OR1L8: variants seen among roughly 807,000 people sequenced by gnomAD.
OR1L8 encodes olfactory receptor 1L8.
For synonymous variants in OR1L8, 148 were observed against 147.0 expected (o/e 1.01, Z -0.05); for missense variants, 330 against 377.4 (o/e 0.87, Z 1.04).
the OR1L8 span, among the ~76,000 whole-genome samples, chr9:122,558,688 G>A: frequency 0.58 from 87,795 of 151,292 alleles, 25,978 homozygotes; most frequent in East Asian, 0.97. Context: ...ATGGATATAT[G>A]TATAAATACA....
At chr9:122,561,932 C>T in the OR1L8 span, among the ~76,000 whole-genome samples, 1 of 152,116 alleles carries the variant, frequency 6.6e-6, no homozygotes, top group Non-Finnish European at 1.5e-5. Context: ...TCAGAACTAG[C>T]AGTAGGAAAA....
intron 1 of OR1L8, among the ~76,000 whole-genome samples, 174 bp from the exon 2 acceptor site, chr9:122,578,619 G>T (rs1829697498): frequency 6.6e-6 from 1 of 152,030 alleles, no homozygotes; most frequent in Non-Finnish European, 1.5e-5. Context: ...ATACTATTTG[G>T]CCATAAAAAG....
chr9:122,576,040 T>G lies in OR1L8; in HGVS notation c.-342+726A>C, dbSNP rs573863878. Among the ~76,000 whole-genome samples the G allele has an allele frequency of 1.1e-4, 17 of 152,332 alleles. No individual in the cohort carries two copies. The South Asian group carries it at 3.5e-3, about 32-fold the overall frequency. ...GTTACCATAATGTCCTCCAGGTATA[T>G]CTGTGTTGTGGCAAATGGAAAGATC... On this transcript the variant is annotated intron_variant, in intron 3 of 4. Transcript: ENST00000641027.
chr9:122,568,887 T>C (rs1030192846), intron 4 of OR1L8, among the ~76,000 whole-genome samples, 198 bp from the exon 5 acceptor site: 2 of 152,110 alleles, frequency 1.3e-5, no homozygotes, highest in African/African-American at 4.8e-5. Context: ...ATATGTAGTA[T>C]AGCATCAGTT....
the OR1L8 span, among the ~76,000 whole-genome samples, chr9:122,551,646 G>A: frequency 6.6e-5 from 10 of 152,040 alleles, no homozygotes; most frequent in South Asian, 2.1e-4. Context: ...TCACATTCCC[G>A]AGACCCACAT....
the OR1L8 span, chr9:122,554,035 G>C: frequency 3.7e-6 from 6 of 1,613,894 alleles, no homozygotes; most frequent in Non-Finnish European, 5.1e-6. Context: ...GAGAGGGAAA[G>C]TAGGGCTGCT....
intron 1 of OR1L8, among the ~76,000 whole-genome samples, chr9:122,582,424 A>G (rs1829748784): frequency 6.6e-6 from 1 of 152,112 alleles, no homozygotes; most frequent in African/African-American, 2.4e-5. Context: ...AGTTTAAAAA[A>G]TACAAACAAG....
At chr9:122,560,610 T>A in the OR1L8 span, among the ~76,000 whole-genome samples, 10 of 152,290 alleles carry the variant, frequency 6.6e-5, no homozygotes, top group African/African-American at 2.4e-4. Context: ...GGATATGAAA[T>A]TCTGCGTTGA....
the OR1L8 span, among the ~76,000 whole-genome samples, chr9:122,552,869 A>G: frequency 6.6e-6 from 1 of 151,120 alleles, no homozygotes; most frequent in Non-Finnish European, 1.5e-5. Context: ...TGGCTTTTCT[A>G]ATCTTGCCAT....
At chr9:122,548,818 G>A in the OR1L8 span, among the ~76,000 whole-genome samples, 1 of 142,564 alleles carries the variant, frequency 7.0e-6, no homozygotes, top group Non-Finnish European at 1.5e-5. Context: ...TGTTGTTGTT[G>A]TTGTTGTTGT....
downstream of OR1L8, among the ~76,000 whole-genome samples, chr9:122,563,247 T>G (rs7041230): frequency 0.58 from 87,885 of 151,344 alleles, 26,034 homozygotes; most frequent in East Asian, 0.97. Context: ...TCTCATTGTG[T>G]TTTTAAAAAG....
chr9:122,553,863 G>C, the OR1L8 span: 1 of 1,613,918 alleles, frequency 6.2e-7, no homozygotes, highest in Non-Finnish European at 8.5e-7. Context: ...CCTGCTGATC[G>C]TCTTCTCCTA....
chr9:122,577,401 T>A (rs1829676544), intron 2 of OR1L8, among the ~76,000 whole-genome samples: 1 of 152,130 alleles, frequency 6.6e-6, no homozygotes, highest in South Asian at 2.1e-4. Context: ...GACCTCCACA[T>A]ACAAAAATCG....
chr9:122,577,078 C>G (rs539958573), intron 2 of OR1L8, among the ~76,000 whole-genome samples, 177 bp from the exon 3 acceptor site: 265 of 152,254 alleles, frequency 1.7e-3, no homozygotes, highest in African/African-American at 5.9e-3. Context: ...ATACTTTCTA[C>G]TGCTGCTAGT....
chr9:122,558,906 T>G, the OR1L8 span, among the ~76,000 whole-genome samples: 41,400 of 151,862 alleles, frequency 0.27, 5,820 homozygotes, highest in Middle Eastern at 0.34. Flanking sequence ...CTTTTTAAAA[T>G]TTTTATTTTA....
At chr9:122,574,544 T>C (rs909468927) in intron 3 of OR1L8, among the ~76,000 whole-genome samples, 12 of 152,188 alleles carry the variant, frequency 7.9e-5, no homozygotes, top group African/African-American at 2.9e-4. Context: ...AATCCTGCAT[T>C]TTGCACTCTT....
chr9:122,556,784 A>C, the OR1L8 span, among the ~76,000 whole-genome samples: 4 of 152,204 alleles, frequency 2.6e-5, no homozygotes, highest in Non-Finnish European at 5.9e-5. Context: ...TGATATCCAC[A>C]AAGTAACTTG....
At chr9:122,574,759 C>A (rs1302302156) in intron 3 of OR1L8, among the ~76,000 whole-genome samples, 1 of 152,030 alleles carries the variant, frequency 6.6e-6, no homozygotes, top group Non-Finnish European at 1.5e-5. Context: ...GCATTCTTAT[C>A]TTGTTCCTGA....
intron 4 of OR1L8, among the ~76,000 whole-genome samples, chr9:122,569,876 G>A (rs1285088000): frequency 1.4e-5 from 2 of 147,246 alleles, no homozygotes; most frequent in African/African-American, 5.1e-5. Flanking sequence ...TCCCCTTCCT[G>A]TGTCCATGTG....
Sources: gnomAD v4.1 joint callset for allele counts (sites outside exome capture counted in the v4.1 genomes callset) on GRCh38, gnomAD v4.1.1 for gene constraint, MANE v1.5 for transcripts, NCBI Gene and HGNC (gene_info 2026-07-23, HGNC 2026-07-21) for gene names.